Variants in ZNF385B observed in about 807,000 individuals in gnomAD.
ZNF385B encodes the protein zinc finger protein 385B.
Under a neutral mutation model 39.2 loss-of-function variants are expected in ZNF385B, and 23 were observed. The ratio of observed to expected loss-of-function variants is 0.59; its 90% CI spans 0.42 to 0.83. The LOEUF (loss-of-function observed/expected upper bound fraction) is 0.83. ZNF385B is among the 40% of genes least tolerant of loss of function. The pLI, the probability that ZNF385B is intolerant of heterozygous loss-of-function variation, is 0.00. For missense variants in ZNF385B, 552 were observed against 598.9 expected (o/e 0.92, Z 0.82); for synonymous variants, 205 against 222.6 (o/e 0.92, Z 0.70).
At chr2:179,762,254 A>C (rs1486740950) in intron 3 of ZNF385B, among the ~76,000 whole-genome samples, 9 of 151,968 alleles carry the variant, frequency 5.9e-5, no homozygotes, top group Non-Finnish European at 1.2e-4. Flanking sequence ...CAGTGGCGTG[A>C]TTTCGGCTCA....
intron 3 of ZNF385B, among the ~76,000 whole-genome samples, chr2:179,625,785 A>T (rs1296761449): frequency 6.6e-6 from 1 of 152,162 alleles, no homozygotes; most frequent in Non-Finnish European, 1.5e-5. Context: ...ATATATCTAC[A>T]TAAATATAAA....
intron 1 of ZNF385B, among the ~76,000 whole-genome samples, chr2:179,843,080 C>A (rs1708623577): frequency 6.6e-6 from 1 of 152,154 alleles, no homozygotes. Flanking sequence ...CTTAGAAAAT[C>A]AATCTCTCTC....
In ZNF385B at chr2:179,697,357, A is replaced by T. The variant is rs1698845056; in HGVS notation, c.298+72146T>A. Among the ~76,000 whole-genome samples the T allele has an allele frequency of 3.9e-5, 6 of 152,236 alleles. No homozygotes were observed. In the South Asian group the frequency reaches 1.2e-3, roughly 32 times the overall value. ...TTCTCATGATAGTGAGTGAACTCTC[A>T]TGAGATCTGATGGTTTTATAAATGG... On this transcript the variant is annotated intron_variant, in intron 3 of 9. Transcript: ENST00000410066.
At chr2:179,445,815 A>G in intron 7 of ZNF385B, 87 bp from the exon 8 acceptor site, 2 of 1,267,748 alleles carry the variant, frequency 1.6e-6, no homozygotes, top group Non-Finnish European at 1.1e-6. Flanking sequence ...GTTTACCTGC[A>G]GGCTAAAATT....
At chr2:179,553,283 A>G (rs1332852005) in intron 3 of ZNF385B, among the ~76,000 whole-genome samples, 2 of 149,072 alleles carry the variant, frequency 1.3e-5, no homozygotes, top group Non-Finnish European at 3.0e-5. Flanking sequence ...ATATATAATG[A>G]ATATATTTAT....
intron 3 of ZNF385B, among the ~76,000 whole-genome samples, chr2:179,614,019 C>T (rs1360375882): frequency 1.3e-5 from 2 of 152,148 alleles, no homozygotes; most frequent in Non-Finnish European, 2.9e-5. Context: ...ATGCAAAGTC[C>T]TATATCACTA....
chr2:179,452,575 G>C (rs980911015), intron 6 of ZNF385B, among the ~76,000 whole-genome samples: 1 of 152,028 alleles, frequency 6.6e-6, no homozygotes, highest in Admixed American at 6.6e-5. Flanking sequence ...AACTTTGAAA[G>C]CTGTAATCAA....
chr2:179,468,251 G>A (rs2052328824), intron 6 of ZNF385B, among the ~76,000 whole-genome samples: 1 of 152,198 alleles, frequency 6.6e-6, no homozygotes, highest in Non-Finnish European at 1.5e-5. Context: ...TTTTCTGAGT[G>A]AGCATAAAAA....
At chr2:179,485,762 T>C (rs1400706557) in intron 5 of ZNF385B, among the ~76,000 whole-genome samples, 3 of 152,194 alleles carry the variant, frequency 2.0e-5, no homozygotes, top group Non-Finnish European at 4.4e-5. Flanking sequence ...TGTTATTTCT[T>C]GTAGGGCGGG....
intron 1 of ZNF385B, among the ~76,000 whole-genome samples, 192 bp from the exon 2 acceptor site, chr2:179,770,864 G>A (rs1172354630): frequency 1.3e-5 from 2 of 152,170 alleles, no homozygotes; most frequent in African/African-American, 2.4e-5. Context: ...CTTGGTTGAT[G>A]AAGATTGCCT....
intron 3 of ZNF385B, among the ~76,000 whole-genome samples, chr2:179,624,737 T>A (rs190001079): frequency 5.3e-4 from 81 of 152,322 alleles, no homozygotes; most frequent in Non-Finnish European, 9.7e-4. Flanking sequence ...ATCACTCAGA[T>A]AGGGAAGTCG....
intron 3 of ZNF385B, among the ~76,000 whole-genome samples, chr2:179,668,400 A>C (rs1695459473): frequency 6.6e-6 from 1 of 152,202 alleles, no homozygotes; most frequent in African/African-American, 2.4e-5. Context: ...CTCCTTTATC[A>C]AACTACTTTT....
intron 4 of ZNF385B, among the ~76,000 whole-genome samples, chr2:179,528,772 T>C (rs2059081551): frequency 6.6e-6 from 1 of 152,218 alleles, no homozygotes; most frequent in African/African-American, 2.4e-5. Context: ...TGGAGCTGAA[T>C]GTCTAACTCT....
chr2:179,798,969 T>C (rs1430200471), intron 1 of ZNF385B, among the ~76,000 whole-genome samples: 1 of 152,078 alleles, frequency 6.6e-6, no homozygotes, highest in Non-Finnish European at 1.5e-5. Context: ...TTTATATTAA[T>C]GGTTTATCCA....
intron 3 of ZNF385B, among the ~76,000 whole-genome samples, chr2:179,545,723 A>C (rs751441063): frequency 6.6e-6 from 1 of 152,022 alleles, no homozygotes; most frequent in Non-Finnish European, 1.5e-5. Context: ...TGTCACCTCT[A>C]TTTGTTTTGT....
chr2:179,559,561 T>C (rs562303868), intron 3 of ZNF385B, among the ~76,000 whole-genome samples: 3 of 152,306 alleles, frequency 2.0e-5, no homozygotes, highest in African/African-American at 7.2e-5. Context: ...GACCTTGTAC[T>C]AGACTTTCTT....
chr2:179,525,066 G>A (rs2058802851), intron 4 of ZNF385B, among the ~76,000 whole-genome samples: 1 of 152,024 alleles, frequency 6.6e-6, no homozygotes, highest in Admixed American at 6.5e-5. Context: ...GGCTTTGAGA[G>A]GTTCAATAAT....
At chr2:179,672,933 G>T (rs1380349342) in intron 3 of ZNF385B, among the ~76,000 whole-genome samples, 2 of 152,136 alleles carry the variant, frequency 1.3e-5, no homozygotes, top group Non-Finnish European at 2.9e-5. Flanking sequence ...CAGCTGAATA[G>T]AAGCAAAAAT....
At chr2:179,624,723 T>C (rs2106170980) in intron 3 of ZNF385B, among the ~76,000 whole-genome samples, 1 of 152,312 alleles carries the variant, frequency 6.6e-6, no homozygotes, top group South Asian at 2.1e-4. Flanking sequence ...GAATTGCTCA[T>C]CCCATCACTC....
Sources: gnomAD v4.1 joint callset for allele counts (sites outside exome capture counted in the v4.1 genomes callset) on GRCh38, gnomAD v4.1.1 for gene constraint, MANE v1.5 for transcripts, NCBI Gene and HGNC (gene_info 2026-07-23, HGNC 2026-07-21) for gene names.